EPHB2: variants seen among roughly 807,000 people sequenced by gnomAD.
The protein encoded by EPHB2 is ephrin type-B receptor 2.
Under a neutral mutation model 96.4 loss-of-function variants are expected in EPHB2, and 18 were observed. That is an observed-to-expected ratio of 0.19 (90% CI 0.13 to 0.28). EPHB2 has a LOEUF of 0.28. Ranked by LOEUF, EPHB2 falls within the 10% of genes least tolerant of loss-of-function variation. EPHB2 has a pLI of 1.00. For missense variants in EPHB2, 989 were observed against 1,355.4 expected, an observed-to-expected ratio of 0.73 and a Z score of 4.25; for synonymous variants, 506 against 534.1, an observed-to-expected ratio of 0.95 and a Z score of 0.72.
At chr1:22,726,207 T>A (rs933495912) in intron 1 of EPHB2, among the ~76,000 whole-genome samples, 1 of 152,080 alleles carries the variant, frequency 6.6e-6, no homozygotes, top group African/African-American at 2.4e-5. Context: ...TTTTTCTCCT[T>A]CTCCTACTCC....
intron 3 of EPHB2, among the ~76,000 whole-genome samples, chr1:22,839,170 CTCT>C (rs1248673644): frequency 6.6e-6 from 1 of 152,190 alleles, no homozygotes; most frequent in Non-Finnish European, 1.5e-5. Context: ...AATCACGATG[CTCT>C]TCCTGCCAAC....
intron 9 of EPHB2, among the ~76,000 whole-genome samples, chr1:22,899,501 C>CA (rs879934464): frequency 6.0e-4 from 89 of 147,664 alleles, no homozygotes; most frequent in Admixed American, 2.9e-3. Context: ...AACTCCATCT[C>CA]AAAAAAAAAG....
intron 3 of EPHB2, among the ~76,000 whole-genome samples, chr1:22,786,672 A>G (rs1644615895): frequency 1.3e-5 from 2 of 152,246 alleles, no homozygotes. Context: ...TTTCATCTCA[A>G]GAGACAGCCT....
At chr1:22,822,404 G>C (rs1160421080) in intron 3 of EPHB2, among the ~76,000 whole-genome samples, 1 of 152,002 alleles carries the variant, frequency 6.6e-6, no homozygotes, top group East Asian at 1.9e-4. Flanking sequence ...GATGAGAAAA[G>C]AAAACAAAAG....
intron 1 of EPHB2, among the ~76,000 whole-genome samples, chr1:22,736,182 A>G (rs535774822): frequency 2.0e-5 from 3 of 152,302 alleles, no homozygotes; most frequent in East Asian, 1.9e-4. Context: ...AAGAGAGCTC[A>G]TCGTACACAC....
At chr1:22,723,260 G>C (rs554696814) in intron 1 of EPHB2, among the ~76,000 whole-genome samples, 1 of 152,268 alleles carries the variant, frequency 6.6e-6, no homozygotes, top group African/African-American at 2.4e-5. Flanking sequence ...CGGGGAGGCA[G>C]AGCCTGGGAA....
At chr1:22,822,070 T>A (rs1393542050) in intron 3 of EPHB2, among the ~76,000 whole-genome samples, 2 of 152,216 alleles carry the variant, frequency 1.3e-5, no homozygotes, top group Non-Finnish European at 2.9e-5. Flanking sequence ...ACAATAAATG[T>A]AAGTAAGTAT....
rs748281054 is a variant in EPHB2 at position 22,776,074 on chromosome 1, G to A, written c.62-5347G>A. On this transcript the variant is annotated intron_variant, in intron 1 of 15. Coordinates refer to ENST00000374630, the MANE Select transcript of EPHB2 (RefSeq NM_017449.5). ...GAGGGGCCTCAGAGAGCTGCTAACCGTTCATGGCCCTGTCCTGTGCTACCT... is the reference window on the plus strand; with the variant it reads ...GAGGGGCCTCAGAGAGCTGCTAACCATTCATGGCCCTGTCCTGTGCTACCT... Among the ~76,000 whole-genome samples the A allele has an allele frequency of 4.6e-5, 7 of 152,268 alleles. No homozygotes were observed. The South Asian group carries it at 8.3e-4, about 18-fold the overall frequency.
chr1:22,822,890 G>A (rs967441594), intron 3 of EPHB2, among the ~76,000 whole-genome samples: 4 of 152,246 alleles, frequency 2.6e-5, no homozygotes, highest in African/African-American at 4.8e-5. Flanking sequence ...CATGGCTAAG[G>A]TTCATGCCTG....
intron 15 of EPHB2, 153 bp downstream of exon 15, chr1:22,912,752 G>A (rs1443107315): frequency 9.1e-7 from 1 of 1,100,158 alleles, no homozygotes. Flanking sequence ...GGAGTCACCT[G>A]TGGACTGATA....
intron 1 of EPHB2, among the ~76,000 whole-genome samples, chr1:22,716,348 T>C (rs905904409): frequency 3.9e-5 from 6 of 152,046 alleles, no homozygotes; most frequent in East Asian, 3.9e-4. Context: ...TTTTTTTTTT[T>C]CGAGATGGAG....
At chr1:22,862,828 C>T (rs981841575) in intron 3 of EPHB2, among the ~76,000 whole-genome samples, 4 of 152,114 alleles carry the variant, frequency 2.6e-5, no homozygotes, top group South Asian at 2.1e-4. Flanking sequence ...AGACAGCTCA[C>T]GGACAAGAAA....
chr1:22,859,604 G>A (rs1449219594), intron 3 of EPHB2, among the ~76,000 whole-genome samples: 1 of 152,108 alleles, frequency 6.6e-6, no homozygotes, highest in Non-Finnish European at 1.5e-5. Context: ...TGACCAGCCT[G>A]GCCAACATGG....
intron 6 of EPHB2, among the ~76,000 whole-genome samples, chr1:22,891,931 A>G (rs1331907578): frequency 2.0e-5 from 3 of 151,454 alleles, no homozygotes; most frequent in Non-Finnish European, 2.9e-5. Context: ...AGTAGCTGGG[A>G]CCACAAGCAT....
intron 1 of EPHB2, among the ~76,000 whole-genome samples, chr1:22,779,509 CT>C (rs1404967817): frequency 6.6e-6 from 1 of 152,242 alleles, no homozygotes; most frequent in Admixed American, 6.5e-5. Context: ...CCCTCCACCC[CT>C]GCCATAGTTC....
intron 3 of EPHB2, among the ~76,000 whole-genome samples, chr1:22,841,152 T>C (rs1645462126): frequency 6.6e-6 from 1 of 152,172 alleles, no homozygotes; most frequent in South Asian, 2.1e-4. Flanking sequence ...TACCACCAAC[T>C]CTAGAGCAGT....
At chr1:22,736,369 A>C (rs1418213044) in intron 1 of EPHB2, among the ~76,000 whole-genome samples, 2 of 152,148 alleles carry the variant, frequency 1.3e-5, no homozygotes, top group Non-Finnish European at 2.9e-5. Flanking sequence ...CAGAGACGTA[A>C]AAGCCTCTCC....
chr1:22,811,877 CA>C (rs34217967), intron 3 of EPHB2, among the ~76,000 whole-genome samples: 5,437 of 152,206 alleles, frequency 0.036, 306 homozygotes, highest in African/African-American at 0.12. Context: ...CATCTCTACA[CA>C]AAATTTAAAA....
In EPHB2 at chr1:22,921,272, G is replaced by A. The variant is rs1007950285; in HGVS notation, c.*7702G>A. On this transcript the variant is annotated 3_prime_UTR_variant, in exon 16 of 16. Coordinates refer to ENST00000374630, the MANE Select transcript of EPHB2 (RefSeq NM_017449.5). ...GTTTCCCAGAACCCTGTTTCCTGTGGTCATAAATATGGGTTTTCCTGACAA... is the reference window on the plus strand; with the variant it reads ...GTTTCCCAGAACCCTGTTTCCTGTGATCATAAATATGGGTTTTCCTGACAA... 5 of 152,250 alleles carry A rather than the reference G, an allele frequency of 3.3e-5. No homozygotes were observed. Among genetic ancestry groups the A allele is most frequent in the African/African-American group, 1.2e-4 (5 of 41,524 alleles). 9.4% of individuals were successfully genotyped at this position (152,250 alleles called of 1,614,324 possible).
Sources: allele counts gnomAD v4.1 joint callset (sites outside exome capture counted in the v4.1 genomes callset), GRCh38; gene constraint gnomAD v4.1.1; transcripts MANE v1.5; gene names NCBI Gene and HGNC (gene_info 2026-07-23, HGNC 2026-07-21).